ZDHHC19: variants seen among roughly 807,000 people sequenced by gnomAD.
ZDHHC19 encodes the protein palmitoyltransferase ZDHHC19.
In ZDHHC19, 30 loss-of-function variants were observed where a neutral mutation model predicts 33.9. The observed-to-expected ratio is 0.88, with a 90% CI of 0.66 to 1.20. The LOEUF (loss-of-function observed/expected upper bound fraction) is 1.20, where lower values mean the gene tolerates loss of function less well. ZDHHC19 is among the 50% of genes most tolerant of loss of function. The probability of loss-of-function intolerance (pLI) is 0.00; values close to 1 mark genes in which losing one functional copy is unlikely to be tolerated. For missense variants in ZDHHC19, 364 were observed against 401.1 expected (o/e 0.91, Z 0.79); for synonymous variants, 178 against 167.6 (o/e 1.06, Z -0.48).
intron 1 of ZDHHC19, among the ~76,000 whole-genome samples, chr3:196,210,944 T>C (rs1344032695): frequency 6.6e-6 from 1 of 151,820 alleles, no homozygotes; most frequent in Non-Finnish European, 1.5e-5. Context: ...ACAGGCACCC[T>C]TGACCTCTGC....
chr3:196,204,374 G>A (rs1283175718), intron 5 of ZDHHC19, among the ~76,000 whole-genome samples: 4 of 152,102 alleles, frequency 2.6e-5, no homozygotes, highest in Admixed American at 1.3e-4. Flanking sequence ...GAAAGACATC[G>A]AAGAAGACGT....
Position 196,209,386 on chromosome 3 carries a change from A to T in ZDHHC19, c.398T>A (p.Ile133Asn). The change falls in exon 3 of 8, where the codon ATC (isoleucine) becomes AAC (asparagine). Residue 133 changes from isoleucine to asparagine, a missense_variant. Coordinates refer to ENST00000296326, the MANE Select transcript of ZDHHC19 (RefSeq NM_001039617.2). ...PRTYHCPWCN[I>N]CVEDFDHHCK... Reference sequence around the variant, plus strand: ...TAGAGGGGCACTCACCTCCACACAGATGTTGCACCAGGGGCAGTGGTAAGT... The same window carrying T: ...TAGAGGGGCACTCACCTCCACACAGTTGTTGCACCAGGGGCAGTGGTAAGT... The T allele has an allele frequency of 6.2e-7, 1 of 1,601,978 alleles. No homozygotes were observed. The highest frequency in any genetic ancestry group is 1.1e-5 in the South Asian group (1 of 88,874).
intron 5 of ZDHHC19, 135 bp downstream of exon 5, chr3:196,207,263 G>A (rs920242546): frequency 7.2e-6 from 5 of 696,062 alleles, no homozygotes; most frequent in Non-Finnish European, 1.2e-5. Context: ...AGCCTCTTAA[G>A]AGCTGGGTCT....
rs1208587021 is a variant in ZDHHC19, at chr3:196,207,428, C to T, written c.657G>A (p.Val219=). Residue 219 remains valine (V), a synonymous_variant, in exon 5 of 8, where the codon GTG becomes GTA. Transcript: ENST00000296326. ...CCTTGTAGGTGCGGTCGGCCGAGCT[C>T]ACGGACAGTGCCTGGATCAGCAGCA... ...SLLLLIQALS[V]SSADRTYKGK... 1.3e-6 allele frequency: 2 copies of T among 1,571,618 alleles called. No individual in the cohort carries two copies. The highest frequency in any genetic ancestry group is 4.7e-5 in the East Asian group (2 of 42,216).
At chr3:196,208,203 G>C (rs1039096235) in intron 4 of ZDHHC19, among the ~76,000 whole-genome samples, 185 bp downstream of exon 4, 2 of 151,946 alleles carry the variant, frequency 1.3e-5, no homozygotes, top group African/African-American at 4.8e-5. Context: ...CGGCCCGGGG[G>C]AGGCTTAACG....
intron 5 of ZDHHC19, chr3:196,202,414 A>G (rs1267519277): frequency 1.3e-5 from 2 of 152,120 alleles, no homozygotes; most frequent in Admixed American, 6.6e-5. Flanking sequence ...TCCTTGTTCT[A>G]CTCTTTCCTC....
intron 4 of ZDHHC19, 103 bp downstream of exon 4, chr3:196,208,285 C>T (rs1462848349): frequency 9.8e-7 from 1 of 1,020,906 alleles, no homozygotes; most frequent in Non-Finnish European, 1.3e-6. Context: ...CTGGTCCTCC[C>T]AGGCGGCTTC....
At position 196,203,761 on chromosome 3, in the gene ZDHHC19, G is replaced by A. The variant is rs1048689463; in HGVS notation, c.687+3637C>T. Among the ~76,000 whole-genome samples, 1 of 152,206 alleles carries A rather than the reference G, an allele frequency of 6.6e-6. No individual in the cohort carries two copies. The highest frequency in any genetic ancestry group is 1.5e-5 in the Non-Finnish European group (1 of 68,044). On this transcript the variant is annotated intron_variant, in intron 5 of 7. Coordinates refer to ENST00000296326, the MANE Select transcript of ZDHHC19 (RefSeq NM_001039617.2). This position sits in a 1 kb window ranked among gnomAD's most constrained non-coding sequence, Gnocchi z 4.3. ...AGGCTGAAACGATGCACTGAGGCTG[G>A]GGAGGGTCCACATGCAGACCAGAGC...
At position 196,211,074 on chromosome 3, in the gene ZDHHC19, C is replaced by T. The variant is rs1723264926; in HGVS notation, c.146+96G>A. ...ATATCCCCTTTTCCCTGACCTCTCC[C>T]CCGGTCTTCTGCACTCCCCTGCCTC... On this transcript the variant is annotated intron_variant, in intron 1 of 7. Transcript: ENST00000296326. 7.6e-6 allele frequency: 12 copies of T among 1,583,986 alleles called. No individual in the cohort carries two copies. The South Asian group carries it at 1.2e-4, about 16-fold the overall frequency.
intron 3 of ZDHHC19, chr3:196,208,816 T>A: frequency 2.0e-6 from 1 of 501,312 alleles, no homozygotes; most frequent in Non-Finnish European, 3.6e-6. Flanking sequence ...TGGCCTTCTG[T>A]GAGACACATC....
At chr3:196,209,271 T>C in intron 3 of ZDHHC19, 105 bp downstream of exon 3, 1 of 1,445,034 alleles carries the variant, frequency 6.9e-7, no homozygotes, top group Non-Finnish European at 9.2e-7. Flanking sequence ...CCTTTAGCAG[T>C]CCTGAAAACA....
chr3:196,209,454 G>A lies in ZDHHC19; in HGVS notation c.330C>T (p.Arg110=), dbSNP rs1295193944. 1.2e-6 allele frequency: 2 copies of A among 1,612,082 alleles called. No homozygotes were observed. The highest frequency in any genetic ancestry group is 1.7e-6 in the Non-Finnish European group (2 of 1,179,376). ...HVVWVNHGAF[R]LQWCPKCCFH... is the part of the protein sequence containing the mutation. ...AGCAGCACTTTGGACACCATTGCAG[G>A]CGGAAGGCCCCGTGGTTCACCCACA... Residue 110 remains arginine (R), a synonymous_variant, in exon 3 of 8, where the codon CGC becomes CGT. Coordinates refer to ENST00000296326, the MANE Select transcript of ZDHHC19 (RefSeq NM_001039617.2).
intron 5 of ZDHHC19, among the ~76,000 whole-genome samples, chr3:196,202,768 C>T (rs1039730200): frequency 1.3e-5 from 2 of 152,316 alleles, no homozygotes; most frequent in East Asian, 1.9e-4. Context: ...GAGCAGCATC[C>T]GTGTGACAGT....
At chr3:196,207,872 C>G (rs1722897444) in intron 4 of ZDHHC19, among the ~76,000 whole-genome samples, 1 of 136,680 alleles carries the variant, frequency 7.3e-6, no homozygotes, top group South Asian at 2.4e-4. Context: ...CCCGCTGTCC[C>G]CGCCCGTCCA....
chr3:196,207,693 CG>C, intron 4 of ZDHHC19, among the ~76,000 whole-genome samples, 190 bp from the exon 5 acceptor site: 1 of 5,388 alleles, frequency 1.9e-4, no homozygotes, highest in South Asian at 5.3e-3. Context: ...CGCCCCCGGA[CG>C]CCCGCCCCTC....
At chr3:196,199,931 C>T (rs1047193389) in intron 5 of ZDHHC19, among the ~76,000 whole-genome samples, 9 of 151,278 alleles carry the variant, frequency 5.9e-5, no homozygotes, top group East Asian at 2.0e-4. Context: ...GGCGACAGAG[C>T]GACACTCTGG....
At chr3:196,206,562 A>G (rs1407380533) in intron 5 of ZDHHC19, among the ~76,000 whole-genome samples, 1 of 152,172 alleles carries the variant, frequency 6.6e-6, no homozygotes, top group Non-Finnish European at 1.5e-5. Context: ...TTTGTTGCCC[A>G]GGCTGGTCTC....
At chr3:196,209,254 C>T in intron 3 of ZDHHC19, 122 bp downstream of exon 3, 2 of 1,373,590 alleles carry the variant, frequency 1.5e-6, no homozygotes, top group Non-Finnish European at 9.7e-7. Context: ...GTTACTGCCA[C>T]CCTTGGCCTT....
intron 5 of ZDHHC19, among the ~76,000 whole-genome samples, chr3:196,200,624 G>C (rs371932564): frequency 3.8e-4 from 57 of 148,784 alleles, no homozygotes; most frequent in East Asian, 4.0e-4. Flanking sequence ...AAAGTGCTGG[G>C]ATTACAAGCG....
Sources: allele counts gnomAD v4.1 joint callset (sites outside exome capture counted in the v4.1 genomes callset), GRCh38; gene constraint gnomAD v4.1.1; non-coding constraint Gnocchi (gnomAD v3.1); transcripts MANE v1.5; gene names NCBI Gene and HGNC (gene_info 2026-07-23, HGNC 2026-07-21).